The following NDUFAF6 variants were observed in gnomAD, a reference collection of about 807,000 sequenced individuals.
The protein encoded by NDUFAF6 is NADH:ubiquinone oxidoreductase complex assembly factor 6, also known as NADH dehydrogenase (ubiquinone) complex I, assembly factor 6.
A neutral mutation model predicts 40.8 loss-of-function variants in NDUFAF6; 45 were observed. That is an observed-to-expected ratio of 1.10 (90% CI 0.87 to 1.42). NDUFAF6 has a LOEUF of 1.42. Ranked by LOEUF, NDUFAF6 falls within the 40% of genes most tolerant of loss-of-function variation. The pLI is 0.00. For missense variants in NDUFAF6, 435 were observed against 418.5 expected, an observed-to-expected ratio of 1.04 and a Z score of -0.34; for synonymous variants, 185 against 155.9, an observed-to-expected ratio of 1.19 and a Z score of -1.39.
chr8:95,066,506 C>T (rs1236878499), intron 9 of NDUFAF6, among the ~76,000 whole-genome samples: 1 of 152,062 alleles, frequency 6.6e-6, no homozygotes, highest in Non-Finnish European at 1.5e-5. Flanking sequence ...AGTGGGTAGT[C>T]ACTCTTCACT....
downstream of NDUFAF6, among the ~76,000 whole-genome samples, chr8:95,077,291 A>G (rs768617310): frequency 4.6e-5 from 7 of 152,346 alleles, no homozygotes; most frequent in East Asian, 1.3e-3. Context: ...GAAAAGAAGC[A>G]AGAACAACAC....
At position 95,051,590 on chromosome 8, in the gene NDUFAF6, C is replaced by T. The variant is rs577175872; in HGVS notation, c.817-584C>T. On this transcript the variant is annotated intron_variant, in intron 7 of 8. Transcript: ENST00000396124. ...GGATGATGGGCATCAGCCTGAGTGA[C>T]CAGGTGTTCGTAGCTCAGAGTGGTA... 4.3e-4 allele frequency among the ~76,000 whole-genome samples: 65 copies of T among 152,124 alleles called. No individual in the cohort carries two copies. In the South Asian group the frequency reaches 0.013, roughly 31 times the overall value.
At chr8:95,090,135 T>G (rs1027097326) in intron 2 of NDUFAF6, among the ~76,000 whole-genome samples, 6 of 50,900 alleles carry the variant, frequency 1.2e-4, no homozygotes, top group African/African-American at 6.2e-4. Flanking sequence ...TTATTAAATA[T>G]TTCAGATTAT....
chr8:94,927,604 TAATG>T (rs1287550882), intron 1 of NDUFAF6: 2 of 152,086 alleles, frequency 1.3e-5, no homozygotes, highest in Non-Finnish European at 2.9e-5. Context: ...AGAAGATAAA[TAATG>T]GATGGCTAAT....
intron 1 of NDUFAF6, chr8:94,896,384 C>T (rs1817577615): frequency 6.6e-6 from 1 of 151,698 alleles, no homozygotes; most frequent in Non-Finnish European, 1.5e-5. Context: ...CTTCCTTTAT[C>T]CTTCCCCGGG....
chr8:95,066,353 A>T (rs1190146361), intron 9 of NDUFAF6, among the ~76,000 whole-genome samples: 3 of 141,092 alleles, frequency 2.1e-5, no homozygotes, highest in Non-Finnish European at 4.5e-5. Flanking sequence ...GGGCTCAGGT[A>T]ATCTCCCTGT....
At position 95,074,548 on chromosome 8, in the gene NDUFAF6, A is replaced by G. The variant is rs1414349253; in HGVS notation, c.*512-1085A>G. Among the ~76,000 whole-genome samples, 3 of 113,698 alleles carry G rather than the reference A, an allele frequency of 2.6e-5. 1 individual carries two copies. The highest frequency in any genetic ancestry group is 1.2e-4 in the African/African-American group (3 of 26,066). 74.6% of individuals were successfully genotyped at this position (113,698 alleles called of 152,430 possible). ...TCCAATGTCCTATGTCTAAAACTGT[A>G]CAGCCTTATGCACTACCTCCTAACT... On this transcript the variant is annotated intron_variant and NMD_transcript_variant, in intron 9 of 9. Coordinates refer to the NDUFAF6 transcript ENST00000520757.
chr8:94,993,997 G>T (rs1005757286), intron 2 of NDUFAF6, among the ~76,000 whole-genome samples: 6 of 152,184 alleles, frequency 3.9e-5, no homozygotes, highest in African/African-American at 1.4e-4. Flanking sequence ...TTTAAGTTGA[G>T]ATGTTTATGA....
intron 2 of NDUFAF6, among the ~76,000 whole-genome samples, chr8:94,995,816 C>T (rs772231387): frequency 1.7e-4 from 26 of 152,246 alleles, no homozygotes; most frequent in African/African-American, 2.4e-4. Flanking sequence ...CTCGCTCTGT[C>T]GCCCAGGCTG....
Position 95,115,519 on chromosome 8 carries a change from C to CTT in NDUFAF6, n.345-5_345-4dup, listed in dbSNP as rs544475473. ...TGAAAACTGTTTCTCCATTTCCCTTCTTTTTTTTTTTTTCAGTCCTTGAAA... is the reference window on the plus strand; with the variant it reads ...TGAAAACTGTTTCTCCATTTCCCTTCTTTTTTTTTTTTTTTCAGTCCTTGAAA... On this transcript the variant is annotated splice_polypyrimidine_tract_variant and intron_variant and non_coding_transcript_variant, in intron 4 of 5. Coordinates refer to the NDUFAF6 transcript ENST00000523184. 642 of 144,182 alleles carry CTT rather than the reference C, an allele frequency of 4.5e-3. 4 individuals are homozygous for CTT. Among genetic ancestry groups the CTT allele is most frequent in the African/African-American group, 0.015 (579 of 39,564 alleles). The allele number at this position is 144,182 out of a possible 1,614,324, so 8.9% of individuals were successfully genotyped here.
intron 1 of NDUFAF6, among the ~76,000 whole-genome samples, chr8:94,897,832 C>T (rs1817749894): frequency 6.6e-6 from 1 of 151,800 alleles, no homozygotes; most frequent in Admixed American, 6.6e-5. Context: ...CCAACTCGAC[C>T]TCGGAAATTG....
At chr8:95,086,578 G>C (rs1256702878) in intron 2 of NDUFAF6, among the ~76,000 whole-genome samples, 7 of 149,090 alleles carry the variant, frequency 4.7e-5, no homozygotes, top group Non-Finnish European at 7.4e-5. Context: ...CCTTCCTCTT[G>C]TCTCTCTCTT....
chr8:95,028,357 C>T (rs1828427876), intron 1 of NDUFAF6, among the ~76,000 whole-genome samples: 1 of 152,162 alleles, frequency 6.6e-6, no homozygotes, highest in Non-Finnish European at 1.5e-5. Context: ...GTAACTGGAT[C>T]TTGGTTAGAT....
chr8:95,056,971 A>G (rs1018817217), intron 8 of NDUFAF6, among the ~76,000 whole-genome samples: 4 of 151,814 alleles, frequency 2.6e-5, no homozygotes, highest in Non-Finnish European at 5.9e-5. Context: ...AAAGTATAGG[A>G]AAAAAAAGTC....
At chr8:95,019,699 G>A (rs977075811) in intron 2 of NDUFAF6, among the ~76,000 whole-genome samples, 1 of 152,192 alleles carries the variant, frequency 6.6e-6, no homozygotes, top group Non-Finnish European at 1.5e-5. Flanking sequence ...GCCTCTTCTT[G>A]TTTCTGAGAG....
chr8:94,990,229 A>T (rs1826135170), intron 2 of NDUFAF6, among the ~76,000 whole-genome samples: 1 of 152,192 alleles, frequency 6.6e-6, no homozygotes, highest in South Asian at 2.1e-4. Flanking sequence ...CAACACATAT[A>T]TAAGGTGGTT....
chr8:95,056,915 A>AAT (rs1436212166), intron 8 of NDUFAF6, among the ~76,000 whole-genome samples: 1 of 151,848 alleles, frequency 6.6e-6, no homozygotes, highest in African/African-American at 2.4e-5. Context: ...CAAAAAAAAA[A>AAT]AAAAGTAGAT....
At position 95,070,208 on chromosome 8, in the gene NDUFAF6, TATTAC is replaced by T. The variant is rs1344870778; in HGVS notation, c.*512-5421_*512-5417del. Among the ~76,000 whole-genome samples the T allele has an allele frequency of 5.9e-5, 9 of 152,304 alleles. No individual in the cohort carries two copies. In the East Asian group the frequency reaches 1.7e-3, roughly 29 times the overall value. The stretch of plus-strand genomic sequence containing the variant: ...GCCTACTGATTGACCACTAGCAAGT[TATTAC>T]ATTTAACCTCTCCGTGCCTTCATTT... On this transcript the variant is annotated intron_variant and NMD_transcript_variant, in intron 9 of 9. Coordinates refer to the NDUFAF6 transcript ENST00000520757.
chr8:94,927,792 C>T lies in NDUFAF6; in HGVS notation c.-935-17691C>T, dbSNP rs564361386. 6 of 152,572 alleles carry T rather than the reference C, an allele frequency of 3.9e-5. No homozygotes were observed. In the South Asian group the frequency reaches 1.0e-3, roughly 26 times the overall value. The allele number at this position is 152,572 out of a possible 1,614,324, so 9.5% of individuals were successfully genotyped here. ...TACACCACATATTCCAGACTTTTTCCAAGTAACATTCTATGTTAACAGTTT... is the reference window on the plus strand; with the variant it reads ...TACACCACATATTCCAGACTTTTTCTAAGTAACATTCTATGTTAACAGTTT... On this transcript the variant is annotated intron_variant, in intron 1 of 14. Coordinates refer to the NDUFAF6 transcript ENST00000396113.
Sources: gnomAD v4.1 joint callset for allele counts (sites outside exome capture counted in the v4.1 genomes callset) on GRCh38, gnomAD v4.1.1 for gene constraint, MANE v1.5 for transcripts, NCBI Gene and HGNC (gene_info 2026-07-23, HGNC 2026-07-21) for gene names.